Variants in AKT3 observed in about 807,000 individuals in gnomAD.
The protein encoded by AKT3 is AKT serine/threonine kinase 3, also known as RAC-gamma serine/threonine-protein kinase.
AKT3 carries 15 observed loss-of-function variants against 65.3 expected under a neutral mutation model. The observed-to-expected ratio is 0.23, with a 90% CI of 0.15 to 0.35. The LOEUF is 0.35. AKT3 is among the 10% of genes least tolerant of loss of function. AKT3 has a pLI of 1.00. For synonymous variants in AKT3, 206 were observed against 183.8 expected (o/e 1.12, Z -0.98); for missense variants, 243 against 576.5 (o/e 0.42, Z 5.92).
Position 243,517,935 on chromosome 1 carries a change from T to A in AKT3, c.1252-5509A>T, listed in dbSNP as rs2148378468. On this transcript the variant is annotated intron_variant, in intron 12 of 13. Coordinates refer to ENST00000673466, the MANE Select transcript of AKT3 (RefSeq NM_005465.7). Reference sequence around the variant, plus strand: ...TGCCACATAGTAGCATTCAACAATATTTGCGGAATAAATGAATCAATCATT... The same window carrying A: ...TGCCACATAGTAGCATTCAACAATAATTGCGGAATAAATGAATCAATCATT... Among the ~76,000 whole-genome samples, 3 of 152,334 alleles carry A rather than the reference T, an allele frequency of 2.0e-5. 1 individual carries two copies. The South Asian group carries it at 6.2e-4, about 32-fold the overall frequency.
At position 243,501,032 on chromosome 1, in the gene AKT3, G is replaced by C. The variant is rs1050855162; in HGVS notation, c.*4217C>G. On this transcript the variant is annotated 3_prime_UTR_variant, in exon 14 of 14. Coordinates refer to ENST00000673466, the MANE Select transcript of AKT3 (RefSeq NM_005465.7). Reference sequence around the variant, plus strand: ...CACTTTTTTTTAGCCTCCTGGATCTGTCAACCCCAGTGGTTTTGAGAGAAG... The same window carrying C: ...CACTTTTTTTTAGCCTCCTGGATCTCTCAACCCCAGTGGTTTTGAGAGAAG... 4 of 229,734 alleles carry C rather than the reference G, an allele frequency of 1.7e-5. No homozygotes were observed. The highest frequency in any genetic ancestry group is 3.4e-5 in the Non-Finnish European group (4 of 116,074). The allele number at this position is 229,734 out of a possible 1,614,324, so 14.2% of individuals were successfully genotyped here. A position where few individuals can be genotyped will look rare whatever the true frequency, so the allele number is the denominator to read the frequency against.
In AKT3 at chr1:243,583,100, A is replaced by ATC. The variant is rs1429361381; in HGVS notation, c.697-10054_697-10053dup. Among the ~76,000 whole-genome samples the ATC allele has an allele frequency of 3.3e-3, 485 of 145,624 alleles. 3 individuals carry two copies. The highest frequency in any genetic ancestry group is 9.0e-3 in the African/African-American group (356 of 39,446). On this transcript the variant is annotated intron_variant, in intron 8 of 13. Coordinates refer to ENST00000673466, the MANE Select transcript of AKT3 (RefSeq NM_005465.7). ...ATATATATCTTCCATATATATATATATCTCTCTCTCTCTTCCAGTATGTAT... is the reference window on the plus strand; with the variant it reads ...ATATATATCTTCCATATATATATATATCTCTCTCTCTCTCTTCCAGTATGTAT...
At chr1:243,737,885 A>G (rs1687935075) in intron 2 of AKT3, among the ~76,000 whole-genome samples, 1 of 152,196 alleles carries the variant, frequency 6.6e-6, no homozygotes, top group Non-Finnish European at 1.5e-5. Context: ...TAAATTATGA[A>G]AAGATTCCAA....
Position 243,609,098 on chromosome 1 carries a change from G to A in AKT3, c.696+4573C>T, listed in dbSNP as rs572355564. 1.3e-4 allele frequency among the ~76,000 whole-genome samples: 20 copies of A among 151,974 alleles called. No homozygotes were observed. In the South Asian group the frequency reaches 3.5e-3, roughly 27 times the overall value. ...CATCCCTGGGCAGCATAAATGGCAA[G>A]GTGAACCCAAAGCAAAACCAAAATT... On this transcript the variant is annotated intron_variant, in intron 8 of 13. Coordinates refer to ENST00000673466, the MANE Select transcript of AKT3 (RefSeq NM_005465.7).
In AKT3 at chr1:243,657,443, G is replaced by A. The variant is rs376692385; in HGVS notation, c.284+7329C>T. Among the ~76,000 whole-genome samples, 11 of 152,084 alleles carry A rather than the reference G, an allele frequency of 7.2e-5. No individual in the cohort carries two copies. In the East Asian group the frequency reaches 1.7e-3, roughly 24 times the overall value. The stretch of plus-strand genomic sequence containing the variant: ...CTTTAGGAATAAACTTAACCAAGAA[G>A]GTGAAAGATTTGTACACTGAAAACT... On this transcript the variant is annotated intron_variant, in intron 4 of 13. Coordinates refer to ENST00000673466, the MANE Select transcript of AKT3 (RefSeq NM_005465.7).
intron 12 of AKT3, among the ~76,000 whole-genome samples, chr1:243,543,495 C>T (rs1372931541): frequency 6.6e-6 from 1 of 151,928 alleles, no homozygotes; most frequent in Non-Finnish European, 1.5e-5. Flanking sequence ...AAGAGGGTGT[C>T]TAGAAAGGAT....
At chr1:243,603,419 T>A (rs1677160025) in intron 8 of AKT3, among the ~76,000 whole-genome samples, 1 of 152,202 alleles carries the variant, frequency 6.6e-6, no homozygotes, top group Admixed American at 6.5e-5. Flanking sequence ...TTCTAAGGCT[T>A]CTCTTGTCTG....
intron 1 of AKT3, chr1:243,843,629 A>G (rs981128020): frequency 1.1e-6 from 1 of 938,568 alleles, no homozygotes; most frequent in African/African-American, 1.8e-5. Flanking sequence ...AAATCCCTGT[A>G]ATTTCAGAAG....
At chr1:243,548,497 G>A (rs1034845357) in intron 11 of AKT3, among the ~76,000 whole-genome samples, 1 of 152,138 alleles carries the variant, frequency 6.6e-6, no homozygotes, top group Admixed American at 6.5e-5. Context: ...TTAGAAGCTA[G>A]GAGAAATTCT....
At chr1:243,627,633 A>G (rs976758330) in intron 6 of AKT3, among the ~76,000 whole-genome samples, 1 of 152,190 alleles carries the variant, frequency 6.6e-6, no homozygotes, top group African/African-American at 2.4e-5. Context: ...GCTCACAGGA[A>G]TACCACAGGC....
intron 12 of AKT3, among the ~76,000 whole-genome samples, chr1:243,537,778 T>C (rs1672032391): frequency 6.6e-6 from 1 of 152,224 alleles, no homozygotes; most frequent in South Asian, 2.1e-4. Flanking sequence ...GTCCGCTGTT[T>C]ACATCCAGAT....
chr1:243,523,167 A>G (rs1042351873), intron 12 of AKT3, among the ~76,000 whole-genome samples: 7 of 152,030 alleles, frequency 4.6e-5, no homozygotes, highest in Non-Finnish European at 1.0e-4. Context: ...CAGGTGCTGT[A>G]CTAATTAAGT....
At chr1:243,624,857 C>A (rs1679031598) in intron 6 of AKT3, 1 of 208,550 alleles carries the variant, frequency 4.8e-6, no homozygotes, top group Non-Finnish European at 1.1e-5. Flanking sequence ...AACTCTTCTC[C>A]CAGATGGAAA....
At chr1:243,574,418 C>T (rs1042639545) in intron 8 of AKT3, among the ~76,000 whole-genome samples, 1 of 152,064 alleles carries the variant, frequency 6.6e-6, no homozygotes, top group Non-Finnish European at 1.5e-5. Context: ...AACTTTAATG[C>T]TTCCTACTAT....
intron 13 of AKT3, 140 bp from the exon 14 acceptor site, chr1:243,505,474 TGTAGA>T (rs768879047): frequency 6.7e-5 from 43 of 645,076 alleles, no homozygotes; most frequent in Admixed American, 2.3e-4. Context: ...ATCAATAAGC[TGTAGA>T]GTAATTATAC....
chr1:243,768,879 G>A (rs780362073), intron 2 of AKT3, among the ~76,000 whole-genome samples: 5 of 148,866 alleles, frequency 3.4e-5, no homozygotes, highest in African/African-American at 9.9e-5. Flanking sequence ...CATAAAAATC[G>A]CCATTTTAAA....
chr1:243,520,980 G>C (rs1321565092), intron 12 of AKT3, among the ~76,000 whole-genome samples: 1 of 152,180 alleles, frequency 6.6e-6, no homozygotes, highest in Admixed American at 6.5e-5. Context: ...TGGTATGGCT[G>C]GAATGATTCC....
intron 7 of AKT3, 84 bp downstream of exon 7, chr1:243,615,012 G>T: frequency 1.0e-6 from 1 of 987,376 alleles, no homozygotes; most frequent in Non-Finnish European, 1.5e-6. Context: ...TAAATGAATA[G>T]TATTTTTCAC....
chr1:243,658,753 T>C (rs1167752937), intron 4 of AKT3, among the ~76,000 whole-genome samples: 3 of 149,870 alleles, frequency 2.0e-5, no homozygotes, highest in Non-Finnish European at 4.4e-5. Flanking sequence ...ATAAAGAAAA[T>C]GTATTGGCCG....
Sources: allele counts gnomAD v4.1 joint callset (sites outside exome capture counted in the v4.1 genomes callset), GRCh38; gene constraint gnomAD v4.1.1; transcripts MANE v1.5; gene names NCBI Gene and HGNC (gene_info 2026-07-23, HGNC 2026-07-21).